The following SUSD3 variants were observed in gnomAD, a reference collection of about 807,000 sequenced individuals.
SUSD3 encodes sushi domain containing 3.
Under a neutral mutation model 20.6 loss-of-function variants are expected in SUSD3, and 18 were observed. That is an observed-to-expected ratio of 0.87 (90% CI 0.60 to 1.30). SUSD3 has a LOEUF of 1.30. Ranked by LOEUF, SUSD3 falls within the 50% of genes most tolerant of loss-of-function variation. The pLI is 0.00. For synonymous variants in SUSD3, 137 were observed against 141.5 expected, an observed-to-expected ratio of 0.97 and a Z score of 0.23; for missense variants, 306 against 346.9, an observed-to-expected ratio of 0.88 and a Z score of 0.94.
intron 4 of SUSD3, among the ~76,000 whole-genome samples, chr9:93,083,662 G>C (rs75794622): frequency 2.0e-5 from 3 of 152,118 alleles, no homozygotes; most frequent in East Asian, 1.9e-4. Context: ...AGTGAGGCTG[G>C]GTGGAGTCAG....
chr9:93,058,861 G>T, intron 1 of SUSD3, 31 bp downstream of exon 1: 1 of 1,220,868 alleles, frequency 8.2e-7, no homozygotes, highest in South Asian at 2.9e-5. Context: ...GCCGCGTGCG[G>T]GGCTCTGCGC....
chr9:93,073,244 C>CTTTTTT (rs573555207), intron 1 of SUSD3, among the ~76,000 whole-genome samples: 1 of 123,904 alleles, frequency 8.1e-6, no homozygotes, highest in Non-Finnish European at 1.7e-5. Context: ...TGTCCCTGTT[C>CTTTTTT]TTTTTTTTTT....
At chr9:93,079,164 G>C (rs774252108) in intron 3 of SUSD3, among the ~76,000 whole-genome samples, 1 of 152,182 alleles carries the variant, frequency 6.6e-6, no homozygotes, top group Admixed American at 6.5e-5. Context: ...ATGTAGTGCA[G>C]CCATTAGCAC....
intron 1 of SUSD3, among the ~76,000 whole-genome samples, chr9:93,061,761 G>A (rs1825514334): frequency 6.6e-6 from 1 of 152,192 alleles, no homozygotes; most frequent in Non-Finnish European, 1.5e-5. Flanking sequence ...TTTAAACTCT[G>A]AGAAATTCCT....
chr9:93,079,700 T>G, intron 4 of SUSD3, 98 bp downstream of exon 4: 3 of 1,370,624 alleles, frequency 2.2e-6, no homozygotes, highest in Non-Finnish European at 3.0e-6. Flanking sequence ...GAGAGCCTGC[T>G]GCTCCCACAC....
rs1377012752 is a variant in SUSD3 at position 93,060,871 on chromosome 9, ATG to A, written c.88+2047_88+2048del. On this transcript the variant is annotated intron_variant, in intron 1 of 4. Transcript: ENST00000375472. ...CAAAAACCAAAAACATAGCACGGGG[ATG>A]TGTGTTTTTCCCACCATCTTTAAAA... 6.6e-5 allele frequency among the ~76,000 whole-genome samples: 10 copies of A among 152,194 alleles called. No individual in the cohort carries two copies. In the East Asian group the frequency reaches 1.9e-3, roughly 29 times the overall value.
intron 1 of SUSD3, among the ~76,000 whole-genome samples, chr9:93,068,735 A>T (rs914689208): frequency 1.3e-5 from 2 of 152,210 alleles, no homozygotes; most frequent in African/African-American, 4.8e-5. Flanking sequence ...GATTTTGTTG[A>T]ATCTGTATAT....
chr9:93,069,009 C>T (rs759766256), intron 1 of SUSD3: 2 of 590,800 alleles, frequency 3.4e-6, no homozygotes, highest in African/African-American at 1.8e-5. Flanking sequence ...TGAATGTGGT[C>T]TCTCTCTCTC....
chr9:93,063,773 T>C lies in SUSD3; in HGVS notation c.88+4943T>C, dbSNP rs371455068. On this transcript the variant is annotated intron_variant, in intron 1 of 4. Coordinates refer to ENST00000375472, the MANE Select transcript of SUSD3 (RefSeq NM_145006.4). ...TTATAAAGGAAAGCCATTCCAGCAG[T>C]GCACTTACATTAGGACCTGGGCATG... Among the ~76,000 whole-genome samples, 8 of 152,222 alleles carry C rather than the reference T, an allele frequency of 5.3e-5. No homozygotes were observed. The East Asian group carries it at 1.5e-3, about 29-fold the overall frequency.
chr9:93,081,110 G>A (rs1204350352), intron 4 of SUSD3, among the ~76,000 whole-genome samples: 1 of 152,160 alleles, frequency 6.6e-6, no homozygotes, highest in African/African-American at 2.4e-5. Context: ...GGCAGTAGGA[G>A]CTCTGCCAAG....
intron 1 of SUSD3, among the ~76,000 whole-genome samples, chr9:93,071,947 G>C (rs1825927349): frequency 6.6e-6 from 1 of 152,146 alleles, no homozygotes; most frequent in Admixed American, 6.5e-5. Context: ...TCCCGAAACA[G>C]TGTGCTGGGT....
chr9:93,071,845 C>G (rs933572553), intron 1 of SUSD3, among the ~76,000 whole-genome samples: 1 of 152,124 alleles, frequency 6.6e-6, no homozygotes. Context: ...TAGAGGCAAC[C>G]GCAGCCAGGG....
At chr9:93,060,468 T>C (rs901876503) in intron 1 of SUSD3, among the ~76,000 whole-genome samples, 3 of 152,142 alleles carry the variant, frequency 2.0e-5, no homozygotes, top group Non-Finnish European at 4.4e-5. Flanking sequence ...GACCTCAGTT[T>C]CTTGCTCTGT....
chr9:93,080,658 C>T (rs894548629), intron 4 of SUSD3, among the ~76,000 whole-genome samples: 2 of 152,204 alleles, frequency 1.3e-5, no homozygotes, highest in Admixed American at 6.5e-5. Flanking sequence ...GAGGCGAAGC[C>T]CCCCAGGTCC....
chr9:93,058,971 G>A (rs1275452168), intron 1 of SUSD3, 141 bp downstream of exon 1: 2 of 474,238 alleles, frequency 4.2e-6, no homozygotes, highest in African/African-American at 2.0e-5. Context: ...GAACCTCCTC[G>A]ACCCTCCGCC....
chr9:93,074,842 G>A (rs1826063452), intron 1 of SUSD3, among the ~76,000 whole-genome samples: 1 of 151,910 alleles, frequency 6.6e-6, no homozygotes, highest in African/African-American at 2.4e-5. Context: ...CTCAATCCCC[G>A]ACCTCATGAT....
At chr9:93,064,860 C>A (rs955744748) in intron 1 of SUSD3, among the ~76,000 whole-genome samples, 2 of 152,186 alleles carry the variant, frequency 1.3e-5, no homozygotes, top group Non-Finnish European at 2.9e-5. Context: ...CTGGAAAGGC[C>A]GGGCCTACCC....
At chr9:93,084,191 AGGCCCT>A (rs1826544836) in intron 4 of SUSD3, among the ~76,000 whole-genome samples, 1 of 152,002 alleles carries the variant, frequency 6.6e-6, no homozygotes, top group South Asian at 2.1e-4. Flanking sequence ...GGGACATCCC[AGGCCCT>A]GGCCAGACAG....
Position 93,077,963 on chromosome 9 carries a change from T to C in SUSD3, c.395T>C (p.Val132Ala). The change falls in exon 3 of 5, where the codon GTG becomes GCG. Residue 132 changes from valine to alanine, a missense_variant. Physicochemically the swap from Val to Ala is moderately conservative, Grantham distance 64. Coordinates refer to ENST00000375472, the MANE Select transcript of SUSD3 (RefSeq NM_145006.4). ...AFLTCCLLKC[V>A]KKSKRRRSNR... ...CTCACCTGCTGCCTCCTCAAGTGCG[T>C]GAAGAAGAGCAAGCGGCGGCGCTCC... 1 of 1,614,226 alleles carries C rather than the reference T, an allele frequency of 6.2e-7. No individual in the cohort carries two copies. The highest frequency in any genetic ancestry group is 8.5e-7 in the Non-Finnish European group (1 of 1,180,044).
Sources: gnomAD v4.1 joint callset for allele counts (sites outside exome capture counted in the v4.1 genomes callset) on GRCh38, gnomAD v4.1.1 for gene constraint, MANE v1.5 for transcripts, NCBI Gene and HGNC (gene_info 2026-07-23, HGNC 2026-07-21) for gene names.